PIAS1: variants seen among roughly 807,000 people sequenced by gnomAD.
PIAS1 encodes the protein protein inhibitor of activated STAT 1.
Under a neutral mutation model 71.3 loss-of-function variants are expected in PIAS1, and 6 were observed. That is an observed-to-expected ratio of 0.08 (90% CI 0.05 to 0.17). The LOEUF (loss-of-function observed/expected upper bound fraction) is 0.17, where lower values mean the gene tolerates loss of function less well. Ranked by LOEUF, PIAS1 falls within the 10% of genes least tolerant of loss-of-function variation. The probability of loss-of-function intolerance (pLI) is 1.00; values close to 1 mark genes in which losing one functional copy is unlikely to be tolerated. For synonymous variants in PIAS1, 303 were observed against 292.9 expected, an observed-to-expected ratio of 1.03 and a Z score of -0.35; for missense variants, 555 against 793.6, an observed-to-expected ratio of 0.70 and a Z score of 3.61.
chr15:68,061,907 T>A (rs1171760383), intron 1 of PIAS1, among the ~76,000 whole-genome samples: 1 of 152,228 alleles, frequency 6.6e-6, no homozygotes, highest in Non-Finnish European at 1.5e-5. Flanking sequence ...TTAGTTTGCG[T>A]CTTTTTGTTG....
At chr15:68,126,208 CTTCTGT>C (rs931678523) in intron 2 of PIAS1, among the ~76,000 whole-genome samples, 1 of 151,846 alleles carries the variant, frequency 6.6e-6, no homozygotes, top group Non-Finnish European at 1.5e-5. Context: ...TATTTCCTTC[CTTCTGT>C]TTTCTCTGTT....
chr15:68,113,891 G>A (rs1270728451), intron 2 of PIAS1, among the ~76,000 whole-genome samples: 4 of 152,030 alleles, frequency 2.6e-5, no homozygotes, highest in East Asian at 3.8e-4. Flanking sequence ...GAAAATTCAT[G>A]TGTAATTTTT....
rs2091873007 is a variant in PIAS1 at position 68,054,515 on chromosome 15, T to G, written c.24+165T>G. The stretch of plus-strand genomic sequence containing the variant: ...CCGGTCTCAGCAGAGGGGGCCCGCC[T>G]GCGGCGGGCCGCGGGCCCCGGGTGC... On this transcript the variant is annotated intron_variant, in intron 1 of 13. Transcript: ENST00000249636. The surrounding 1 kb of genome is among the most constrained non-coding windows in gnomAD (Gnocchi z 4.6). 2 of 561,392 alleles carry G rather than the reference T, an allele frequency of 3.6e-6. No individual in the cohort carries two copies. Among genetic ancestry groups the G allele is most frequent in the Non-Finnish European group, 5.8e-6 (2 of 347,116 alleles). 34.8% of individuals were successfully genotyped at this position (561,392 alleles called of 1,614,324 possible).
intron 1 of PIAS1, among the ~76,000 whole-genome samples, chr15:68,077,453 TTTGGTA>T (rs2092179682): frequency 6.6e-6 from 1 of 152,198 alleles, no homozygotes; most frequent in South Asian, 2.1e-4. Flanking sequence ...AAGAGTCAAT[TTTGGTA>T]TACCAAGAGG....
At chr15:68,085,618 A>G (rs2092273568) in intron 1 of PIAS1, among the ~76,000 whole-genome samples, 1 of 152,214 alleles carries the variant, frequency 6.6e-6, no homozygotes, top group South Asian at 2.1e-4. Context: ...ACTACTCCTT[A>G]GTAGCTTTAT....
intron 2 of PIAS1, among the ~76,000 whole-genome samples, chr15:68,093,625 A>C (rs970732701): frequency 6.6e-6 from 1 of 152,228 alleles, no homozygotes; most frequent in Non-Finnish European, 1.5e-5. Flanking sequence ...CATGGATCAT[A>C]ATTGTGGTTG....
intron 4 of PIAS1, among the ~76,000 whole-genome samples, chr15:68,143,079 A>G (rs1263991696): frequency 6.6e-6 from 1 of 151,952 alleles, no homozygotes; most frequent in East Asian, 1.9e-4. Context: ...ATATACATAT[A>G]TATATATATC....
chr15:68,070,246 A>T (rs2092080295), intron 1 of PIAS1, among the ~76,000 whole-genome samples: 2 of 152,206 alleles, frequency 1.3e-5, no homozygotes, highest in Non-Finnish European at 2.9e-5. Context: ...GCATGGAGGG[A>T]CAATGGAATT....
At chr15:68,079,309 G>A (rs906100851) in intron 1 of PIAS1, among the ~76,000 whole-genome samples, 1 of 152,072 alleles carries the variant, frequency 6.6e-6, no homozygotes, top group African/African-American at 2.4e-5. Flanking sequence ...TTTAGGGCCT[G>A]TGCATTGATC....
At chr15:68,123,174 C>T (rs1301214957) in intron 2 of PIAS1, among the ~76,000 whole-genome samples, 2 of 152,136 alleles carry the variant, frequency 1.3e-5, no homozygotes, top group Non-Finnish European at 2.9e-5. Flanking sequence ...GCCTTATCCT[C>T]CCAAGTAGCT....
chr15:68,151,166 T>C (rs2092841241), intron 6 of PIAS1, among the ~76,000 whole-genome samples: 1 of 152,040 alleles, frequency 6.6e-6, no homozygotes, highest in Non-Finnish European at 1.5e-5. Flanking sequence ...TCTGTCACTA[T>C]TAAGCTTTGG....
chr15:68,063,726 G>T (rs556863819), intron 1 of PIAS1, among the ~76,000 whole-genome samples: 2 of 152,166 alleles, frequency 1.3e-5, no homozygotes, highest in South Asian at 4.1e-4. Context: ...GGCCTCTGGT[G>T]GTTCCCCGAA....
chr15:68,150,647 C>G (rs925202861), intron 6 of PIAS1, among the ~76,000 whole-genome samples: 1 of 152,172 alleles, frequency 6.6e-6, no homozygotes, highest in Non-Finnish European at 1.5e-5. Context: ...TGCTCTACCT[C>G]AGGGTAAGCA....
chr15:68,161,091 T>C (rs1167706810), intron 7 of PIAS1, among the ~76,000 whole-genome samples: 1 of 152,206 alleles, frequency 6.6e-6, no homozygotes, highest in Non-Finnish European at 1.5e-5. Flanking sequence ...CTAGAAATAC[T>C]ATGTGAGTTT....
chr15:68,062,179 A>C (rs1359254589), intron 1 of PIAS1, among the ~76,000 whole-genome samples: 2 of 152,152 alleles, frequency 1.3e-5, no homozygotes. Context: ...GCTGTTTTAG[A>C]TTTACCTTTT....
In PIAS1 at chr15:68,134,472, C is replaced by T. The variant is rs1165423324; in HGVS notation, c.470-7474C>T. Among the ~76,000 whole-genome samples the T allele has an allele frequency of 1.1e-4, 6 of 53,004 alleles. 1 individual carries two copies. The highest frequency in any genetic ancestry group is 5.0e-4 in the South Asian group (1 of 1,984). The allele number at this position is 53,004 out of a possible 152,430, so 34.8% of individuals were successfully genotyped here. ...GGCGCCCCTCACCTCCCGGACGGGG[C>T]GGCTGGCCGGGCGGGGGGCTGACCC... On this transcript the variant is annotated intron_variant, in intron 2 of 13. Transcript: ENST00000249636.
intron 2 of PIAS1, among the ~76,000 whole-genome samples, chr15:68,112,744 G>A (rs1257038069): frequency 6.6e-6 from 1 of 152,150 alleles, no homozygotes; most frequent in East Asian, 1.9e-4. Context: ...ATACCATTTG[G>A]TTATGCAAAT....
intron 1 of PIAS1, among the ~76,000 whole-genome samples, chr15:68,069,231 T>C (rs976713394): frequency 2.0e-5 from 3 of 152,294 alleles, no homozygotes; most frequent in African/African-American, 7.2e-5. Flanking sequence ...AAAAAACTCT[T>C]AGTAAAACAT....
intron 6 of PIAS1, among the ~76,000 whole-genome samples, chr15:68,151,258 G>GTTATAT (rs2092841877): frequency 1.3e-5 from 2 of 152,036 alleles, no homozygotes; most frequent in African/African-American, 4.8e-5. Flanking sequence ...GCATTTGTTA[G>GTTATAT]TACCACATTC....
Sources: gnomAD v4.1 joint callset for allele counts (sites outside exome capture counted in the v4.1 genomes callset) on GRCh38, gnomAD v4.1.1 for gene constraint, Gnocchi (gnomAD v3.1) non-coding constraint, MANE v1.5 for transcripts, NCBI Gene and HGNC (gene_info 2026-07-23, HGNC 2026-07-21) for gene names.